Variants in SLC17A8 observed in about 807,000 individuals in gnomAD.
The protein encoded by SLC17A8 is solute carrier family 17 member 8, also known as vesicular glutamate transporter 3.
SLC17A8 carries 31 observed loss-of-function variants against 58.0 expected under a neutral mutation model. The observed-to-expected ratio is 0.53, with a 90% CI of 0.40 to 0.72. The LOEUF (loss-of-function observed/expected upper bound fraction) is 0.72, where lower values mean the gene tolerates loss of function less well. Among genes scored for constraint, SLC17A8 ranks in the 30% least tolerant of loss-of-function variants. SLC17A8 has a pLI of 0.00. For missense variants in SLC17A8, 655 were observed against 727.8 expected (o/e 0.90, Z 1.15); for synonymous variants, 228 against 249.0 (o/e 0.92, Z 0.79).
At chr12:100,419,744 G>T (rs1233938987) in intron 11 of SLC17A8, 71 bp from the exon 12 acceptor site, 2 of 1,470,488 alleles carry the variant, frequency 1.4e-6, no homozygotes, top group Non-Finnish European at 1.9e-6. Context: ...TCACAGTGGA[G>T]GCCTCCAGGA....
At chr12:100,382,669 G>A (rs758428184) in intron 2 of SLC17A8, among the ~76,000 whole-genome samples, 32 of 152,178 alleles carry the variant, frequency 2.1e-4, no homozygotes, top group Non-Finnish European at 2.4e-4. Context: ...AAGGCAGTGC[G>A]AGACCTGGAG....
At chr12:100,377,422 A>T (rs1952601809) in intron 1 of SLC17A8, among the ~76,000 whole-genome samples, 1 of 152,016 alleles carries the variant, frequency 6.6e-6, no homozygotes, top group Admixed American at 6.6e-5. Context: ...TAGCTTACAG[A>T]TGAAGAAACT....
intron 8 of SLC17A8, 82 bp from the exon 9 acceptor site, chr12:100,403,956 G>A: frequency 6.6e-7 from 1 of 1,524,848 alleles, no homozygotes; most frequent in Non-Finnish European, 9.1e-7. Context: ...GGGGGGCTGT[G>A]GAGTGGAGGT....
At chr12:100,384,056 T>C (rs1337538584) in intron 2 of SLC17A8, among the ~76,000 whole-genome samples, 1 of 152,150 alleles carries the variant, frequency 6.6e-6, no homozygotes, top group Non-Finnish European at 1.5e-5. Context: ...TAGAAAAGTG[T>C]TTGGCATATA....
At chr12:100,408,382 A>G (rs1327919430) in intron 9 of SLC17A8, among the ~76,000 whole-genome samples, 1 of 152,196 alleles carries the variant, frequency 6.6e-6, no homozygotes, top group Non-Finnish European at 1.5e-5. Flanking sequence ...CAAAAATTCT[A>G]TTCTGGCTGA....
intron 1 of SLC17A8, among the ~76,000 whole-genome samples, chr12:100,379,116 G>A (rs979071511): frequency 6.6e-6 from 1 of 152,166 alleles, no homozygotes; most frequent in Non-Finnish European, 1.5e-5. Context: ...TACTTGTGCC[G>A]GAAATTTGAT....
At position 100,422,004 on chromosome 12, in the gene SLC17A8, T is replaced by C. The variant is rs537845253; in HGVS notation, c.*1845T>C. The C allele has an allele frequency of 1.5e-4, 23 of 152,290 alleles. No homozygotes were observed. Among genetic ancestry groups the C allele is most frequent in the African/African-American group, 5.5e-4 (23 of 41,570 alleles). 9.4% of individuals were successfully genotyped at this position (152,290 alleles called of 1,614,324 possible). The stretch of plus-strand genomic sequence containing the variant: ...TTTTATCCATTATCCCTGGAACTTA[T>C]TGTGAAAGTTGTGCTGTTTTCTAAG... On this transcript the variant is annotated 3_prime_UTR_variant, in exon 12 of 12. Transcript: ENST00000323346.
Position 100,421,917 on chromosome 12 carries a change from T to C in SLC17A8, c.*1758T>C, listed in dbSNP as rs1952953234. 6.6e-6 allele frequency: 1 copy of C among 152,192 alleles called. No individual in the cohort carries two copies. Among genetic ancestry groups the C allele is most frequent in the Non-Finnish European group, 1.5e-5 (1 of 68,028 alleles). The allele number at this position is 152,192 out of a possible 1,614,324, so 9.4% of individuals were successfully genotyped here. On this transcript the variant is annotated 3_prime_UTR_variant, in exon 12 of 12. Transcript: ENST00000323346. ...AAAATGCCCACGTAAATAGCTGTCA[T>C]CATCATTATCTTTTAACATTTTGGG...
At chr12:100,387,472 A>G (rs1179983666) in intron 2 of SLC17A8, among the ~76,000 whole-genome samples, 1 of 152,228 alleles carries the variant, frequency 6.6e-6, no homozygotes, top group Non-Finnish European at 1.5e-5. Flanking sequence ...AATGAAAGTC[A>G]GTTCTCAGCA....
Position 100,419,877 on chromosome 12 carries a change from C to T in SLC17A8, c.1488C>T (p.Ile496=). The T allele has an allele frequency of 1.2e-6, 2 of 1,614,074 alleles. No individual in the cohort carries two copies. The highest frequency in any genetic ancestry group is 2.2e-5 in the East Asian group (1 of 44,880). The change falls in exon 12 of 12, where the codon ATC becomes ATT. Residue 496 remains isoleucine (I), a synonymous_variant. Transcript: ENST00000323346. ...IAALVHYSGV[I]FYGVFASGEK... is the part of the protein sequence containing the mutation. ...CCCTGGTGCATTACAGTGGTGTGATCTTCTATGGGGTCTTTGCTTCTGGGG... is the reference window on the plus strand; with the variant it reads ...CCCTGGTGCATTACAGTGGTGTGATTTTCTATGGGGTCTTTGCTTCTGGGG...
intron 1 of SLC17A8, among the ~76,000 whole-genome samples, chr12:100,366,050 C>CTTTTTTTTTTTTTTTTTTTTTTTTTTTTG (rs67071341): frequency 1.1e-5 from 1 of 90,862 alleles, no homozygotes; most frequent in Non-Finnish European, 2.0e-5. Context: ...GTGATCCCTT[C>CTTTTTTTTTTTTTTTTTTTTTTTTTTTTG]TTTTTTTTTT....
At chr12:100,404,918 C>G (rs1032441186) in intron 9 of SLC17A8, among the ~76,000 whole-genome samples, 1 of 152,212 alleles carries the variant, frequency 6.6e-6, no homozygotes. Context: ...TCTTAGTTTG[C>G]GGCTACCCCT....
chr12:100,389,620 G>GAC (rs1952699855), intron 2 of SLC17A8, among the ~76,000 whole-genome samples: 3 of 150,336 alleles, frequency 2.0e-5, no homozygotes, highest in African/African-American at 7.3e-5. Context: ...TAGAGAGAGA[G>GAC]ACACACACAT....
At chr12:100,393,325 C>A in intron 3 of SLC17A8, 44 bp from the exon 4 acceptor site, 1 of 1,285,380 alleles carries the variant, frequency 7.8e-7, no homozygotes, top group Non-Finnish European at 1.1e-6. Context: ...AGTAGCACAT[C>A]CATCAGCAGA....
At position 100,415,398 on chromosome 12, in the gene SLC17A8, C is replaced by T. The variant is rs1055622236; in HGVS notation, c.1297+2518C>T. Among the ~76,000 whole-genome samples, 6 of 148,016 alleles carry T rather than the reference C, an allele frequency of 4.1e-5. No individual in the cohort carries two copies. In the South Asian group the frequency reaches 8.5e-4, roughly 21 times the overall value. ...GCAGTGAGCCAAGATTGCACCACTG[C>T]ACTCCAGCCTGGGTGACAAAGAGAG... On this transcript the variant is annotated intron_variant, in intron 10 of 11. Coordinates refer to ENST00000323346, the MANE Select transcript of SLC17A8 (RefSeq NM_139319.3).
At chr12:100,364,414 GC>G (rs991239000) in intron 1 of SLC17A8, among the ~76,000 whole-genome samples, 1 of 152,166 alleles carries the variant, frequency 6.6e-6, no homozygotes, top group African/African-American at 2.4e-5. Context: ...CATCTCAGGG[GC>G]TCAGCATTAG....
intron 9 of SLC17A8, among the ~76,000 whole-genome samples, chr12:100,408,302 T>A (rs930886887): frequency 6.6e-6 from 1 of 152,226 alleles, no homozygotes; most frequent in Admixed American, 6.5e-5. Flanking sequence ...TCTACGTCTA[T>A]GATGCTTAAA....
At chr12:100,414,215 A>C (rs1469563783) in intron 10 of SLC17A8, among the ~76,000 whole-genome samples, 2 of 152,218 alleles carry the variant, frequency 1.3e-5, no homozygotes, top group Admixed American at 1.3e-4. Context: ...TGCTCCTTCC[A>C]TTATTCCAGG....
chr12:100,382,204 C>T (rs1052524234), intron 2 of SLC17A8, among the ~76,000 whole-genome samples: 6 of 152,162 alleles, frequency 3.9e-5, no homozygotes, highest in African/African-American at 1.4e-4. Flanking sequence ...TAGCAAGGGG[C>T]TGCAAGCATG....
Sources: gnomAD v4.1 joint callset for allele counts (sites outside exome capture counted in the v4.1 genomes callset) on GRCh38, gnomAD v4.1.1 for gene constraint, MANE v1.5 for transcripts, NCBI Gene and HGNC (gene_info 2026-07-23, HGNC 2026-07-21) for gene names.